PLEKHM3: variants seen among roughly 807,000 people sequenced by gnomAD.
PLEKHM3 encodes pleckstrin homology domain containing M3.
Under a neutral mutation model 81.8 loss-of-function variants are expected in PLEKHM3, and 45 were observed. The ratio of observed to expected loss-of-function variants is 0.55; its 90% CI spans 0.43 to 0.71. PLEKHM3 has a LOEUF of 0.71. Among genes scored for constraint, PLEKHM3 ranks in the 30% least tolerant of loss-of-function variants. The pLI is 0.00. For missense variants in PLEKHM3, 788 were observed against 924.3 expected (o/e 0.85, Z 1.91); for synonymous variants, 352 against 356.4 (o/e 0.99, Z 0.14).
chr2:207,836,529 C>A (rs539792155), intron 7 of PLEKHM3, among the ~76,000 whole-genome samples: 1 of 152,190 alleles, frequency 6.6e-6, no homozygotes, highest in East Asian at 1.9e-4. Flanking sequence ...ACTAGCAGAA[C>A]TAAGTATGTG....
At chr2:207,933,779 C>T (rs1261420444) in intron 4 of PLEKHM3, among the ~76,000 whole-genome samples, 2 of 152,200 alleles carry the variant, frequency 1.3e-5, no homozygotes, top group African/African-American at 4.8e-5. Flanking sequence ...TCGTTTCAAC[C>T]ATGTCGGAGG....
At chr2:207,875,545 T>G (rs879619332) in intron 6 of PLEKHM3, among the ~76,000 whole-genome samples, 3 of 152,242 alleles carry the variant, frequency 2.0e-5, no homozygotes, top group Non-Finnish European at 4.4e-5. Flanking sequence ...CTAGCAGTCT[T>G]ACTTTAATGA....
At chr2:207,836,475 C>T (rs2092320306) in intron 7 of PLEKHM3, among the ~76,000 whole-genome samples, 1 of 152,136 alleles carries the variant, frequency 6.6e-6, no homozygotes, top group Non-Finnish European at 1.5e-5. Flanking sequence ...AGACACGATG[C>T]TCTTATTGTA....
chr2:207,832,399 T>C lies in PLEKHM3; in HGVS notation c.2109-3903A>G, dbSNP rs552886930. On this transcript the variant is annotated intron_variant, in intron 7 of 7. Coordinates refer to ENST00000427836, the MANE Select transcript of PLEKHM3 (RefSeq NM_001080475.3). ...CTCTTACATAAGATTTATGGAGCCCTGTAATAAAAATGTAAAGTTCAGGAT... is the reference window on the plus strand; with the variant it reads ...CTCTTACATAAGATTTATGGAGCCCCGTAATAAAAATGTAAAGTTCAGGAT... 2.6e-5 allele frequency among the ~76,000 whole-genome samples: 4 copies of C among 152,308 alleles called. No homozygotes were observed. The South Asian group carries it at 8.3e-4, about 32-fold the overall frequency.
At chr2:207,865,798 AAAAAGATATATATATATATAT>A (rs2092494279) in intron 6 of PLEKHM3, among the ~76,000 whole-genome samples, 1 of 44,442 alleles carries the variant, frequency 2.3e-5, no homozygotes, top group African/African-American at 1.3e-4. Flanking sequence ...AAAAAAAAAA[AAAAAGATATATATATATATAT>A]ATATATATAT....
chr2:207,938,755 C>T (rs148805403), intron 4 of PLEKHM3, among the ~76,000 whole-genome samples: 70 of 152,318 alleles, frequency 4.6e-4, no homozygotes, highest in East Asian at 3.7e-3. Flanking sequence ...ATGTGCAACA[C>T]GGATGAAGCG....
At chr2:207,948,243 A>G (rs1690201702) in intron 3 of PLEKHM3, among the ~76,000 whole-genome samples, 1 of 151,732 alleles carries the variant, frequency 6.6e-6, no homozygotes, top group East Asian at 1.9e-4. Flanking sequence ...TGTTCACTGC[A>G]CTCACTGACT....
intron 3 of PLEKHM3, among the ~76,000 whole-genome samples, chr2:207,975,334 GC>G (rs1257757005): frequency 6.6e-6 from 1 of 152,094 alleles, no homozygotes; most frequent in Admixed American, 6.6e-5. Flanking sequence ...CCTTTATTTG[GC>G]TTTTTTCAAT....
rs1043240340 is a variant in PLEKHM3 at position 207,843,708 on chromosome 2, T to C, written c.2109-15212A>G. Among the ~76,000 whole-genome samples, 3 of 152,218 alleles carry C rather than the reference T, an allele frequency of 2.0e-5. No homozygotes were observed. The highest frequency in any genetic ancestry group is 1.5e-5 in the Non-Finnish European group (1 of 68,038). ...TGCAATCTAGAATTTGAAGATTTTC[T>C]TTCCAATCATTGATATAAATTGCTT... On this transcript the variant is annotated intron_variant, in intron 7 of 7. Transcript: ENST00000427836. The surrounding 1 kb of genome is among the most constrained non-coding windows in gnomAD (Gnocchi z 4.4).
chr2:207,877,237 G>C (rs2092563958), intron 6 of PLEKHM3, among the ~76,000 whole-genome samples: 1 of 152,166 alleles, frequency 6.6e-6, no homozygotes, highest in Non-Finnish European at 1.5e-5. Flanking sequence ...TCCTAAAAAA[G>C]GAAACAGCCA....
intron 4 of PLEKHM3, among the ~76,000 whole-genome samples, chr2:207,945,454 G>A (rs1049809313): frequency 5.9e-5 from 9 of 152,196 alleles, no homozygotes; most frequent in Non-Finnish European, 8.8e-5. Context: ...CAGCAGTGCT[G>A]ACAAAGGCCT....
intron 5 of PLEKHM3, chr2:207,929,950 C>CA (rs1311632993): frequency 8.7e-6 from 6 of 692,712 alleles, no homozygotes; most frequent in Non-Finnish European, 1.3e-5. Context: ...TCTATTAAAA[C>CA]AAAAAAATTA....
intron 5 of PLEKHM3, among the ~76,000 whole-genome samples, chr2:207,912,690 T>C (rs1422424232): frequency 6.6e-6 from 1 of 152,162 alleles, no homozygotes; most frequent in Non-Finnish European, 1.5e-5. Context: ...GGTATTAAAA[T>C]GTATCTCTTA....
At chr2:207,995,032 T>A (rs936430852) in intron 2 of PLEKHM3, among the ~76,000 whole-genome samples, 3 of 152,078 alleles carry the variant, frequency 2.0e-5, no homozygotes, top group Non-Finnish European at 4.4e-5. Context: ...GCATAATAAT[T>A]TTTTTTAATG....
At chr2:207,970,957 A>G (rs898606313) in intron 3 of PLEKHM3, among the ~76,000 whole-genome samples, 34 of 152,358 alleles carry the variant, frequency 2.2e-4, no homozygotes, top group Admixed American at 1.4e-3. Context: ...AAACCATAAA[A>G]TCTGACACAG....
intron 5 of PLEKHM3, among the ~76,000 whole-genome samples, chr2:207,923,851 G>GCACACACACA (rs1559238663): frequency 2.7e-5 from 1 of 36,796 alleles, no homozygotes; most frequent in African/African-American, 8.3e-5. Flanking sequence ...ACATACACAC[G>GCACACACACA]CACGCACACA....
intron 3 of PLEKHM3, among the ~76,000 whole-genome samples, chr2:207,958,528 G>A (rs1318330686): frequency 6.6e-6 from 1 of 152,182 alleles, no homozygotes; most frequent in African/African-American, 2.4e-5. Context: ...GACAGGAAAG[G>A]AAGGTCAATC....
At chr2:207,969,648 G>C (rs1438566944) in intron 3 of PLEKHM3, among the ~76,000 whole-genome samples, 1 of 152,216 alleles carries the variant, frequency 6.6e-6, no homozygotes, top group Non-Finnish European at 1.5e-5. Flanking sequence ...AGCTTAGCTA[G>C]TTGAGCATAT....
chr2:208,002,541 A>C (rs560842289), intron 1 of PLEKHM3, among the ~76,000 whole-genome samples: 1 of 152,230 alleles, frequency 6.6e-6, no homozygotes, highest in South Asian at 2.1e-4. Flanking sequence ...TCAGGCTCCA[A>C]ACTCCCCAAG....
Sources: allele counts gnomAD v4.1 joint callset (sites outside exome capture counted in the v4.1 genomes callset), GRCh38; gene constraint gnomAD v4.1.1; non-coding constraint Gnocchi (gnomAD v3.1); transcripts MANE v1.5; gene names NCBI Gene and HGNC (gene_info 2026-07-23, HGNC 2026-07-21).